Variants in GALNTL6 observed in about 807,000 individuals in gnomAD.
GALNTL6 encodes the protein polypeptide N-acetylgalactosaminyltransferase-like 6.
In GALNTL6, 46 loss-of-function variants were observed where a neutral mutation model predicts 73.7. That is an observed-to-expected ratio of 0.62 (90% CI 0.49 to 0.80). The LOEUF (loss-of-function observed/expected upper bound fraction) is 0.80. Among genes scored for constraint, GALNTL6 ranks in the 30% least tolerant of loss-of-function variants. GALNTL6 has a pLI of 0.00. For missense variants in GALNTL6, 604 were observed against 755.0 expected (o/e 0.80, Z 2.34); for synonymous variants, 259 against 263.7 (o/e 0.98, Z 0.17).
At chr4:171,915,408 T>G (rs1458247391) in intron 2 of GALNTL6, among the ~76,000 whole-genome samples, 1 of 152,148 alleles carries the variant, frequency 6.6e-6, no homozygotes, top group Non-Finnish European at 1.5e-5. Context: ...GAATGCAACC[T>G]CAGAAATGTT....
intron 10 of GALNTL6, among the ~76,000 whole-genome samples, chr4:172,972,346 T>C (rs1366682004): frequency 6.6e-6 from 1 of 152,234 alleles, no homozygotes; most frequent in Non-Finnish European, 1.5e-5. Context: ...TACTTTCCTT[T>C]CAAATGCACA....
At chr4:172,253,797 C>T (rs965146144) in intron 3 of GALNTL6, among the ~76,000 whole-genome samples, 22 of 152,050 alleles carry the variant, frequency 1.4e-4, no homozygotes, top group African/African-American at 5.3e-4. Flanking sequence ...AAATACATGT[C>T]ACTAAAGAAG....
chr4:172,691,423 T>C (rs1410869698), intron 5 of GALNTL6, among the ~76,000 whole-genome samples: 1 of 152,216 alleles, frequency 6.6e-6, no homozygotes, highest in Non-Finnish European at 1.5e-5. Flanking sequence ...TGGGTCTTTG[T>C]TGAAAGCAGC....
Position 172,349,453 on chromosome 4 carries a change from A to G in GALNTL6, c.553+764A>G, listed in dbSNP as rs187061165. Among the ~76,000 whole-genome samples the G allele has an allele frequency of 1.5e-4, 23 of 152,310 alleles. 1 individual carries two copies. The highest frequency in any genetic ancestry group is 5.3e-4 in the African/African-American group (22 of 41,588). ...TTATTCTTATGTCTCAAAAGAGAAT[A>G]CAACTTGAGATCACATGGGTTAATG... is the stretch of plus-strand genomic sequence containing the variant. On this transcript the variant is annotated intron_variant, in intron 5 of 12. Coordinates refer to ENST00000506823, the MANE Select transcript of GALNTL6 (RefSeq NM_001034845.3).
chr4:171,937,641 G>A (rs1445063499), intron 2 of GALNTL6, among the ~76,000 whole-genome samples: 2 of 152,114 alleles, frequency 1.3e-5, no homozygotes, highest in African/African-American at 2.4e-5. Flanking sequence ...CCACCAAGCA[G>A]TTGAAATAGA....
At chr4:172,830,795 T>A (rs1742583152) in intron 7 of GALNTL6, among the ~76,000 whole-genome samples, 1 of 152,108 alleles carries the variant, frequency 6.6e-6, no homozygotes, top group African/African-American at 2.4e-5. Context: ...TCTCAGAGAT[T>A]CTCAAGGGTA....
chr4:172,836,815 A>G (rs1742933785), intron 7 of GALNTL6, among the ~76,000 whole-genome samples: 1 of 152,180 alleles, frequency 6.6e-6, no homozygotes, highest in Non-Finnish European at 1.5e-5. Context: ...TATTTTAATT[A>G]TGGTCAACTG....
At chr4:172,274,898 A>G (rs564865215) in intron 3 of GALNTL6, among the ~76,000 whole-genome samples, 1 of 152,306 alleles carries the variant, frequency 6.6e-6, no homozygotes, top group South Asian at 2.1e-4. Flanking sequence ...TTTTTCAGTA[A>G]AAGAAGCTAG....
chr4:172,436,392 A>G (rs1285273471), intron 5 of GALNTL6, among the ~76,000 whole-genome samples: 1 of 152,088 alleles, frequency 6.6e-6, no homozygotes, highest in Non-Finnish European at 1.5e-5. Flanking sequence ...CCTCTTGATC[A>G]TTCAGCAAGG....
intron 4 of GALNTL6, among the ~76,000 whole-genome samples, chr4:172,347,414 C>A (rs916647668): frequency 6.6e-6 from 1 of 152,192 alleles, no homozygotes; most frequent in Non-Finnish European, 1.5e-5. Context: ...ATATCACCTT[C>A]ATTCTAAGAA....
In GALNTL6 at chr4:172,496,829, T is replaced by A. The variant is rs200649638; in HGVS notation, c.553+148140T>A. Reference sequence around the variant, plus strand: ...TCTCAGCCACTGCTAGTGCTAAGATTTTGGGAAAATAACTTATTTGCACCT... The same window carrying A: ...TCTCAGCCACTGCTAGTGCTAAGATATTGGGAAAATAACTTATTTGCACCT... On this transcript the variant is annotated intron_variant, in intron 5 of 12. Transcript: ENST00000506823. 7.9e-4 allele frequency among the ~76,000 whole-genome samples: 120 copies of A among 152,308 alleles called. 2 individuals are homozygous for A. The South Asian group carries it at 0.016, about 21-fold the overall frequency.
intron 5 of GALNTL6, among the ~76,000 whole-genome samples, chr4:172,454,955 A>G (rs2111430026): frequency 6.6e-6 from 1 of 152,250 alleles, no homozygotes; most frequent in South Asian, 2.1e-4. Flanking sequence ...TCCAGTCTGC[A>G]GCTCCCAGCA....
intron 5 of GALNTL6, among the ~76,000 whole-genome samples, chr4:172,707,187 G>A (rs1170379729): frequency 6.6e-6 from 1 of 152,054 alleles, no homozygotes; most frequent in African/African-American, 2.4e-5. Context: ...GTGGCCCCTG[G>A]GATTGTCACA....
chr4:172,309,883 C>T (rs1001569381), intron 3 of GALNTL6, among the ~76,000 whole-genome samples: 24 of 151,830 alleles, frequency 1.6e-4, no homozygotes, highest in Non-Finnish European at 3.2e-4. Context: ...CAAAAATTTA[C>T]CAAAAATTGC....
chr4:172,599,466 A>C (rs747071426), intron 5 of GALNTL6, among the ~76,000 whole-genome samples: 21 of 152,124 alleles, frequency 1.4e-4, no homozygotes, highest in Non-Finnish European at 2.9e-4. Context: ...AAAATCTGAG[A>C]CCCTACTTGC....
In GALNTL6 at chr4:172,825,127, T is replaced by C. The variant is rs369359346; in HGVS notation, c.923+11404T>C. Reference sequence around the variant, plus strand: ...CTTTCTTTCTTTCTTTCTTTCTTTCTTTCTTCCTTTCTTTCCTTTTTGGTC... The same window carrying C: ...CTTTCTTTCTTTCTTTCTTTCTTTCCTTCTTCCTTTCTTTCCTTTTTGGTC... On this transcript the variant is annotated intron_variant, in intron 7 of 12. Transcript: ENST00000506823. 3.7e-4 allele frequency among the ~76,000 whole-genome samples: 55 copies of C among 147,720 alleles called. No individual in the cohort carries two copies. The East Asian group carries it at 0.011, about 30-fold the overall frequency.
chr4:172,188,728 C>T (rs75426518), intron 2 of GALNTL6, among the ~76,000 whole-genome samples: 13,483 of 152,160 alleles, frequency 0.089, 837 homozygotes, highest in Middle Eastern at 0.16. Context: ...GAGGACTCTC[C>T]TGGGTGAAGG....
At chr4:172,929,875 C>A (rs1360115476) in intron 8 of GALNTL6, among the ~76,000 whole-genome samples, 1 of 152,110 alleles carries the variant, frequency 6.6e-6, no homozygotes, top group Non-Finnish European at 1.5e-5. Context: ...ATAATTAGTT[C>A]TTTTATAATA....
At chr4:172,466,718 T>C (rs946121074) in intron 5 of GALNTL6, among the ~76,000 whole-genome samples, 8 of 152,196 alleles carry the variant, frequency 5.3e-5, no homozygotes, top group Non-Finnish European at 1.0e-4. Context: ...TGAACTGCTG[T>C]CAAATGTTCA....
Sources: allele counts gnomAD v4.1 joint callset (sites outside exome capture counted in the v4.1 genomes callset), GRCh38; gene constraint gnomAD v4.1.1; transcripts MANE v1.5; gene names NCBI Gene and HGNC (gene_info 2026-07-23, HGNC 2026-07-21).